Variants in ABCB1 observed in about 807,000 individuals in gnomAD.
ABCB1 encodes the protein ATP-dependent translocase ABCB1.
ABCB1 carries 69 observed loss-of-function variants against 142.0 expected under a neutral mutation model. The observed-to-expected ratio is 0.49, with a 90% CI of 0.40 to 0.59. The LOEUF (loss-of-function observed/expected upper bound fraction) is 0.59, where lower values mean the gene tolerates loss of function less well. Among genes scored for constraint, ABCB1 ranks in the 20% least tolerant of loss-of-function variants. The pLI is 0.00. For missense variants in ABCB1, 1,326 were observed against 1,554.7 expected, an observed-to-expected ratio of 0.85 and a Z score of 2.47; for synonymous variants, 532 against 539.2, an observed-to-expected ratio of 0.99 and a Z score of 0.18.
chr7:87,636,284 G>A (rs912476315), intron 1 of ABCB1, among the ~76,000 whole-genome samples: 2 of 152,146 alleles, frequency 1.3e-5, no homozygotes, highest in African/African-American at 4.8e-5. Flanking sequence ...GTTTGTTGGG[G>A]TGTCACATGG....
intron 1 of ABCB1, among the ~76,000 whole-genome samples, chr7:87,689,406 T>C (rs550038613): frequency 1.3e-5 from 2 of 152,260 alleles, no homozygotes; most frequent in South Asian, 4.1e-4. Context: ...GTACTTGTAA[T>C]GAGCAAGTCA....
At chr7:87,630,197 AT>A (rs1040674008) in intron 1 of ABCB1, among the ~76,000 whole-genome samples, 2 of 152,234 alleles carry the variant, frequency 1.3e-5, no homozygotes. Context: ...TTTTTCCGTT[AT>A]TTTTCTTGTG....
rs746563095 is a variant in ABCB1, at chr7:87,585,627, A to G, written c.171T>C (p.Ala57=). 6.2e-7 allele frequency: 1 copy of G among 1,614,062 alleles called. No individual in the cohort carries two copies. Among genetic ancestry groups the G allele is most frequent in the Middle Eastern group, 1.6e-4 (1 of 6,062 alleles). The change falls in exon 4 of 28, where the codon GCT becomes GCC. Residue 57 remains alanine, a synonymous_variant. Coordinates refer to ENST00000622132, the MANE Select transcript of ABCB1 (RefSeq NM_001348946.2). The stretch of plus-strand genomic sequence containing the variant: ...GAAGTCCAGCCCCATGGATGATGGC[A>G]GCCAAAGTTCCCACCACCATATACA... ...DKLYMVVGTL[A]AIIHGAGLPL...
chr7:87,694,100 GT>G (rs36014243), intron 1 of ABCB1: 102,664 of 1,112,534 alleles, frequency 0.092, 3,309 homozygotes, highest in African/African-American at 0.35. Context: ...GTGTGTTTTT[GT>G]TTTTTTTTTT....
Position 87,546,013 on chromosome 7 carries a change from AC to A in ABCB1, c.1736del (p.Gly579ValfsTer6). The A allele has an allele frequency of 6.2e-7, 1 of 1,614,128 alleles. No homozygotes were observed. Among genetic ancestry groups the A allele is most frequent in the African/African-American group, 1.3e-5 (1 of 75,052 alleles). On this transcript the variant is annotated frameshift_variant, in exon 15 of 28. Coordinates refer to ENST00000622132, the MANE Select transcript of ABCB1 (RefSeq NM_001348946.2). LOFTEE classifies it high-confidence loss of function. ...VQVALDKARK[G>X]RTTIVIAHRL... ...GATGAGCTATCACAATGGTGGTCCG[AC>A]CTTTTCTGGCCTAAAGAGAGAGAAA...
chr7:87,658,932 A>T (rs1824413328), intron 1 of ABCB1, among the ~76,000 whole-genome samples: 1 of 152,224 alleles, frequency 6.6e-6, no homozygotes, highest in South Asian at 2.1e-4. Context: ...CAAGCGGATC[A>T]CTTGAGCTCA....
chr7:87,631,808 CT>C (rs951610697), intron 1 of ABCB1, among the ~76,000 whole-genome samples: 36 of 152,228 alleles, frequency 2.4e-4, no homozygotes, highest in African/African-American at 8.2e-4. Flanking sequence ...CTAGTGTGCA[CT>C]TTTACAAGCC....
chr7:87,566,645 T>G, intron 6 of ABCB1, 140 bp downstream of exon 6: 1 of 849,484 alleles, frequency 1.2e-6, no homozygotes, highest in African/African-American at 1.7e-5. Flanking sequence ...CACACGACAT[T>G]GTTGCTGCTT....
intron 1 of ABCB1, among the ~76,000 whole-genome samples, chr7:87,706,199 CCAGG>C: frequency 6.6e-6 from 1 of 152,228 alleles, no homozygotes; most frequent in South Asian, 2.1e-4. Context: ...CAAATACTGA[CCAGG>C]CTAAGCAAGC....
At chr7:87,565,561 A>G (rs1817751215) in intron 7 of ABCB1, 1 of 408,996 alleles carries the variant, frequency 2.4e-6, no homozygotes, top group South Asian at 1.8e-5. Flanking sequence ...CCAAAAATTT[A>G]ACTGTGTTTG....
intron 25 of ABCB1, 143 bp downstream of exon 25, chr7:87,515,088 C>A (rs1815168469): frequency 9.3e-7 from 1 of 1,079,556 alleles, no homozygotes; most frequent in Non-Finnish European, 1.3e-6. Flanking sequence ...CACTTGGAGA[C>A]CATATTTAGG....
At chr7:87,660,625 A>G (rs943377984) in intron 1 of ABCB1, among the ~76,000 whole-genome samples, 2 of 151,594 alleles carry the variant, frequency 1.3e-5, no homozygotes, top group Non-Finnish European at 2.9e-5. Context: ...CTGATCATTT[A>G]TGTATATTAA....
At chr7:87,655,605 A>G (rs1824018587) in intron 1 of ABCB1, among the ~76,000 whole-genome samples, 1 of 152,176 alleles carries the variant, frequency 6.6e-6, no homozygotes, top group South Asian at 2.1e-4. Context: ...AGGATATAAA[A>G]ATTCAGTTAA....
chr7:87,583,347 A>C (rs1444187441), intron 4 of ABCB1, among the ~76,000 whole-genome samples: 2 of 152,216 alleles, frequency 1.3e-5, no homozygotes, highest in Non-Finnish European at 2.9e-5. Flanking sequence ...TTTTTGAGCC[A>C]GGCAGTCCAA....
intron 1 of ABCB1, among the ~76,000 whole-genome samples, chr7:87,669,768 T>G (rs1825649426): frequency 6.6e-6 from 1 of 152,178 alleles, no homozygotes; most frequent in South Asian, 2.1e-4. Flanking sequence ...GGTTGAAGAT[T>G]TTTTTCTTTA....
chr7:87,705,605 T>G (rs1328501077), intron 1 of ABCB1, among the ~76,000 whole-genome samples: 1 of 152,212 alleles, frequency 6.6e-6, no homozygotes, highest in Non-Finnish European at 1.5e-5. Flanking sequence ...GCAGCTATTA[T>G]TTCTGTCATA....
intron 1 of ABCB1, among the ~76,000 whole-genome samples, chr7:87,629,640 C>T (rs1820996288): frequency 6.6e-6 from 1 of 151,960 alleles, no homozygotes; most frequent in Non-Finnish European, 1.5e-5. Flanking sequence ...AGAATAATTA[C>T]TATTGGGCCG....
At chr7:87,677,978 G>T (rs998083264) in intron 1 of ABCB1, among the ~76,000 whole-genome samples, 2 of 152,096 alleles carry the variant, frequency 1.3e-5, no homozygotes, top group Non-Finnish European at 2.9e-5. Flanking sequence ...ACAAAATAAA[G>T]AAATTCCCAG....
Position 87,566,193 on chromosome 7 carries a change from G to C in ABCB1, c.579C>G (p.Phe193Leu), listed in dbSNP as rs770008344. The change falls in exon 7 of 28, where the codon TTC becomes TTG. Residue 193 changes from phenylalanine (F) to leucine (L), a missense_variant. Phe to Leu is a conservative substitution (Grantham distance 22). Coordinates refer to ENST00000622132, the MANE Select transcript of ABCB1 (RefSeq NM_001348946.2). ...NEGIGDKIGMFFQSMATFFTG... is the reference protein window; with the variant it reads ...NEGIGDKIGMLFQSMATFFTG... ...TGAAAAATGTTGCCATTGACTGAAAGAACATTCCAATTTTGTCACCAATTC... is the reference window on the plus strand; with the variant it reads ...TGAAAAATGTTGCCATTGACTGAAACAACATTCCAATTTTGTCACCAATTC... 1.2e-6 allele frequency: 2 copies of C among 1,614,126 alleles called. No individual in the cohort carries two copies. Among genetic ancestry groups the C allele is most frequent in the Non-Finnish European group, 1.7e-6 (2 of 1,180,000 alleles).
Sources: allele counts gnomAD v4.1 joint callset (sites outside exome capture counted in the v4.1 genomes callset), GRCh38; gene constraint gnomAD v4.1.1; transcripts MANE v1.5; gene names NCBI Gene and HGNC (gene_info 2026-07-23, HGNC 2026-07-21).